The following GRB2 variants were observed in gnomAD, a reference collection of about 807,000 sequenced individuals.
GRB2 encodes growth factor receptor-bound protein 2.
In GRB2, 2 loss-of-function variants were observed where a neutral mutation model predicts 27.4. That is an observed-to-expected ratio of 0.07 (90% CI 0.03 to 0.23). The LOEUF (loss-of-function observed/expected upper bound fraction) is 0.23. Among genes scored for constraint, GRB2 ranks in the 10% least tolerant of loss-of-function variants. GRB2 has a pLI of 1.00. For synonymous variants in GRB2, 94 were observed against 99.6 expected (o/e 0.94, Z 0.33); for missense variants, 102 against 282.4 (o/e 0.36, Z 4.58).
At chr17:75,401,211 C>T (rs1194173316) in intron 1 of GRB2, among the ~76,000 whole-genome samples, 3 of 151,548 alleles carry the variant, frequency 2.0e-5, no homozygotes, top group East Asian at 1.9e-4. Context: ...TTTGGGAGGC[C>T]GAGGCGGGTG....
chr17:75,348,114 C>T (rs2078666542), intron 2 of GRB2, among the ~76,000 whole-genome samples: 1 of 152,206 alleles, frequency 6.6e-6, no homozygotes, highest in South Asian at 2.1e-4. Flanking sequence ...AATCACAGCT[C>T]AATGCAGCCT....
chr17:75,334,413 C>T (rs1244908972), intron 2 of GRB2, among the ~76,000 whole-genome samples: 1 of 151,982 alleles, frequency 6.6e-6, no homozygotes, highest in Non-Finnish European at 1.5e-5. Context: ...CCTTGTGATC[C>T]ACCCGACTCG....
intron 2 of GRB2, among the ~76,000 whole-genome samples, chr17:75,369,824 C>T (rs932409870): frequency 1.3e-5 from 2 of 150,984 alleles, no homozygotes; most frequent in Non-Finnish European, 3.0e-5. Flanking sequence ...CGTGCCACTG[C>T]ACTCCAGCCT....
At chr17:75,358,021 C>T (rs902440133) in intron 2 of GRB2, among the ~76,000 whole-genome samples, 4 of 152,204 alleles carry the variant, frequency 2.6e-5, no homozygotes, top group African/African-American at 9.7e-5. Flanking sequence ...TCGCTTGAAC[C>T]CGGGAGGTGG....
chr17:75,398,822 A>T (rs1259078776), intron 1 of GRB2, among the ~76,000 whole-genome samples: 1 of 152,002 alleles, frequency 6.6e-6, no homozygotes, highest in Non-Finnish European at 1.5e-5. Flanking sequence ...ATCTCCGCTC[A>T]CTGCAACCTC....
intron 4 of GRB2, among the ~76,000 whole-genome samples, chr17:75,324,510 T>TTTC (rs2078483953): frequency 2.9e-5 from 1 of 34,120 alleles, no homozygotes; most frequent in South Asian, 1.4e-3. Flanking sequence ...GCACCCAGTT[T>TTTC]TTTTTTTTTT....
chr17:75,353,566 G>A (rs1458602362), intron 2 of GRB2, among the ~76,000 whole-genome samples: 1 of 151,908 alleles, frequency 6.6e-6, no homozygotes, highest in Admixed American at 6.6e-5. Context: ...TTCAAGACCA[G>A]CCTGACAACA....
chr17:75,372,154 G>A (rs1283537541), intron 2 of GRB2: 24 of 152,174 alleles, frequency 1.6e-4, no homozygotes, highest in Admixed American at 1.6e-3. Context: ...CAAATTAAAA[G>A]AGAAAGCACT....
Position 75,389,041 on chromosome 17 carries a change from C to T in GRB2, c.78+4510G>A, listed in dbSNP as rs568059897. Among the ~76,000 whole-genome samples the T allele has an allele frequency of 2.0e-5, 3 of 152,236 alleles. No homozygotes were observed. In the South Asian group the frequency reaches 6.2e-4, roughly 32 times the overall value. On this transcript the variant is annotated intron_variant, in intron 2 of 5. Coordinates refer to ENST00000316804, the MANE Select transcript of GRB2 (RefSeq NM_002086.5). ...GACACACAACCCGATTACTTGCCACCATCCAGGCTTGGGGCCCCAGCCTTG... is the reference window on the plus strand; with the variant it reads ...GACACACAACCCGATTACTTGCCACTATCCAGGCTTGGGGCCCCAGCCTTG...
rs543362887 is a variant in GRB2 at position 75,395,149 on chromosome 17, G to A, written c.-137-1384C>T. 1.8e-4 allele frequency among the ~76,000 whole-genome samples: 28 copies of A among 152,294 alleles called. No individual in the cohort carries two copies. The South Asian group carries it at 2.5e-3, about 14-fold the overall frequency. On this transcript the variant is annotated intron_variant, in intron 1 of 5. Transcript: ENST00000316804. The stretch of plus-strand genomic sequence containing the variant: ...ATTGGGGCACTAATCAAGCATAGCT[G>A]CAAATGGACCAAGTAGTAAAGCAGT...
chr17:75,365,869 T>C (rs1217249856), intron 2 of GRB2, among the ~76,000 whole-genome samples: 1 of 152,160 alleles, frequency 6.6e-6, no homozygotes, highest in Non-Finnish European at 1.5e-5. Context: ...ACCCATCAGC[T>C]GCCCATGTCT....
chr17:75,324,991 G>A (rs1296988517), intron 4 of GRB2, among the ~76,000 whole-genome samples: 1 of 152,120 alleles, frequency 6.6e-6, no homozygotes, highest in African/African-American at 2.4e-5. Context: ...AGGGAGAACT[G>A]CTTGAACCTG....
chr17:75,335,389 T>C (rs1167728254), intron 2 of GRB2, among the ~76,000 whole-genome samples: 1 of 152,170 alleles, frequency 6.6e-6, no homozygotes, highest in Non-Finnish European at 1.5e-5. Flanking sequence ...CAAAATGATT[T>C]ATTCAAGATG....
intron 2 of GRB2, among the ~76,000 whole-genome samples, chr17:75,338,026 G>A (rs1354983291): frequency 1.5e-5 from 2 of 129,420 alleles, no homozygotes; most frequent in East Asian, 2.5e-4. Context: ...CGCCTCCCAG[G>A]TTCAAGTGAT....
intron 2 of GRB2, among the ~76,000 whole-genome samples, chr17:75,382,402 A>G (rs1405202576): frequency 4.6e-5 from 7 of 152,226 alleles, no homozygotes; most frequent in South Asian, 4.1e-4. Context: ...CCTTAACTGA[A>G]TAAGCGACCA....
Position 75,326,107 on chromosome 17 carries a change from T to C in GRB2, c.177-87A>G, listed in dbSNP as rs889834375. The C allele has an allele frequency of 5.3e-6, 8 of 1,499,898 alleles. No homozygotes were observed. The East Asian group carries it at 1.8e-4, about 34-fold the overall frequency. 92.9% of individuals were successfully genotyped at this position (1,499,898 alleles called of 1,614,324 possible). A position where few individuals can be genotyped will look rare whatever the true frequency, so the allele number is the denominator to read the frequency against. On this transcript the variant is annotated intron_variant, in intron 3 of 5. Transcript: ENST00000316804. ...CTTCAAAATGTGAGTAACACAACAC[T>C]CCTTGCCAGAGGAAGGGGCCTCCCT... is the stretch of plus-strand genomic sequence containing the variant.
intron 3 of GRB2, among the ~76,000 whole-genome samples, chr17:75,327,130 C>T (rs139771991): frequency 0.028 from 4,207 of 148,010 alleles, 205 homozygotes; most frequent in African/African-American, 0.099. Context: ...TGCAGTGGCA[C>T]GATCTCGCTC....
At chr17:75,387,150 G>C (rs1192678017) in intron 2 of GRB2, among the ~76,000 whole-genome samples, 1 of 151,048 alleles carries the variant, frequency 6.6e-6, no homozygotes, top group Non-Finnish European at 1.5e-5. Context: ...GAGGGACAGA[G>C]CGAGACTCCA....
intron 3 of GRB2, among the ~76,000 whole-genome samples, chr17:75,332,445 G>T (rs566443495): frequency 9.2e-5 from 14 of 152,218 alleles, no homozygotes; most frequent in South Asian, 4.1e-4. Context: ...AACAGAAAAA[G>T]AATTACGGAC....
Sources: allele counts gnomAD v4.1 joint callset (sites outside exome capture counted in the v4.1 genomes callset), GRCh38; gene constraint gnomAD v4.1.1; transcripts MANE v1.5; gene names NCBI Gene and HGNC (gene_info 2026-07-23, HGNC 2026-07-21).